Variants in TACR3 observed in about 807,000 individuals in gnomAD.
TACR3 encodes the protein neuromedin-K receptor.
TACR3 carries 34 observed loss-of-function variants against 35.0 expected under a neutral mutation model. That is an observed-to-expected ratio of 0.97 (90% CI 0.74 to 1.30). The LOEUF is 1.30. Ranked by LOEUF, TACR3 falls within the 50% of genes most tolerant of loss-of-function variation. The pLI, the probability that TACR3 is intolerant of heterozygous loss-of-function variation, is 0.00. For synonymous variants in TACR3, 233 were observed against 221.1 expected (o/e 1.05, Z -0.48); for missense variants, 558 against 591.7 (o/e 0.94, Z 0.59).
chr4:103,675,227 G>A (rs934749128), intron 1 of TACR3, among the ~76,000 whole-genome samples: 5 of 152,050 alleles, frequency 3.3e-5, no homozygotes, highest in African/African-American at 1.2e-4. Context: ...CTCATAATGA[G>A]TTTCCCTGCT....
At chr4:103,702,590 A>T (rs1722680343) in intron 1 of TACR3, among the ~76,000 whole-genome samples, 1 of 152,122 alleles carries the variant, frequency 6.6e-6, no homozygotes, top group African/African-American at 2.4e-5. Flanking sequence ...TGCTATAAAC[A>T]CACATGCACA....
intron 3 of TACR3, among the ~76,000 whole-genome samples, chr4:103,647,077 T>A (rs1357203017): frequency 6.6e-6 from 1 of 151,946 alleles, no homozygotes; most frequent in African/African-American, 2.4e-5. Flanking sequence ...TTTTAGATTC[T>A]TATCAGATCT....
At chr4:103,663,925 T>G (rs780307064) in intron 1 of TACR3, among the ~76,000 whole-genome samples, 1 of 152,158 alleles carries the variant, frequency 6.6e-6, no homozygotes, top group Non-Finnish European at 1.5e-5. Flanking sequence ...CTTTAAAAAA[T>G]ATTTTATGTG....
intron 1 of TACR3, among the ~76,000 whole-genome samples, chr4:103,670,772 A>G (rs1260562100): frequency 6.6e-6 from 1 of 152,014 alleles, no homozygotes; most frequent in Non-Finnish European, 1.5e-5. Context: ...AACAAGAATA[A>G]TTTGACTTCT....
chr4:103,650,704 T>TC lies in TACR3; in HGVS notation c.888+5489_888+5490insG, dbSNP rs1459709688. Among the ~76,000 whole-genome samples, 6 of 53,532 alleles carry TC rather than the reference T, an allele frequency of 1.1e-4. No individual in the cohort carries two copies. In the African/African-American group the frequency reaches 1.2e-3, roughly 10 times the overall value. 35.1% of individuals were successfully genotyped at this position (53,532 alleles called of 152,430 possible). A position where few individuals can be genotyped will look rare whatever the true frequency, so the allele number is the denominator to read the frequency against. On this transcript the variant is annotated intron_variant, in intron 3 of 4. Transcript: ENST00000304883. ...ATATCATATATAATATATATTTATA[T>TC]ATATAAATATATATAAATAAATATA... is the stretch of plus-strand genomic sequence containing the variant.
chr4:103,638,040 A>G (rs1725238684), intron 3 of TACR3, among the ~76,000 whole-genome samples: 1 of 152,228 alleles, frequency 6.6e-6, no homozygotes, highest in African/African-American at 2.4e-5. Context: ...ATTCAATGCC[A>G]TACCCATGAA....
intron 1 of TACR3, among the ~76,000 whole-genome samples, chr4:103,689,187 G>A (rs1392174699): frequency 1.4e-5 from 2 of 147,588 alleles, no homozygotes; most frequent in South Asian, 2.1e-4. Flanking sequence ...ACTCATAGGT[G>A]GGAATTGAAC....
chr4:103,701,476 A>G (rs1157934318), intron 1 of TACR3, among the ~76,000 whole-genome samples: 2 of 152,112 alleles, frequency 1.3e-5, no homozygotes, highest in Non-Finnish European at 2.9e-5. Context: ...CATACTGCCC[A>G]AGGTAATTTA....
intron 1 of TACR3, among the ~76,000 whole-genome samples, chr4:103,659,402 T>G (rs1284267968): frequency 2.0e-5 from 3 of 152,208 alleles, no homozygotes; most frequent in Non-Finnish European, 4.4e-5. Context: ...TGTTTAACTT[T>G]TAAACATATA....
intron 3 of TACR3, among the ~76,000 whole-genome samples, chr4:103,599,661 T>A (rs1006222172): frequency 3.3e-5 from 5 of 152,240 alleles, no homozygotes; most frequent in African/African-American, 1.2e-4. Context: ...TTTTTTAGCA[T>A]GAAGTGCTGT....
chr4:103,635,747 G>C (rs901009286), intron 3 of TACR3, among the ~76,000 whole-genome samples: 7 of 151,242 alleles, frequency 4.6e-5, no homozygotes, highest in African/African-American at 1.7e-4. Context: ...CTCAATCATT[G>C]ATGTCTATAA....
intron 3 of TACR3, among the ~76,000 whole-genome samples, chr4:103,600,144 G>T (rs1464223892): frequency 6.6e-6 from 1 of 152,174 alleles, no homozygotes; most frequent in East Asian, 1.9e-4. Flanking sequence ...CCTGTTATTG[G>T]TCTATTCAGA....
intron 3 of TACR3, among the ~76,000 whole-genome samples, chr4:103,650,690 AATATATATTT>A (rs1459871989): frequency 1.3e-4 from 1 of 7,872 alleles, no homozygotes; most frequent in African/African-American, 1.4e-3. Context: ...TATCATATAT[AATATATATTT>A]ATATATATAA....
At chr4:103,606,447 C>G (rs1262457250) in intron 3 of TACR3, among the ~76,000 whole-genome samples, 2 of 152,184 alleles carry the variant, frequency 1.3e-5, no homozygotes, top group Non-Finnish European at 2.9e-5. Context: ...TTGATTCTTC[C>G]TATCCATGAG....
chr4:103,687,017 A>G (rs944350605), intron 1 of TACR3, among the ~76,000 whole-genome samples: 8 of 152,110 alleles, frequency 5.3e-5, no homozygotes, highest in African/African-American at 1.7e-4. Context: ...GGCAAACCGA[A>G]TCCAGCAGCA....
intron 3 of TACR3, among the ~76,000 whole-genome samples, chr4:103,610,530 T>C (rs1724490975): frequency 6.6e-6 from 1 of 152,078 alleles, no homozygotes; most frequent in Non-Finnish European, 1.5e-5. Context: ...GGATATTAAC[T>C]ACTTGTCAGA....
Position 103,633,479 on chromosome 4 carries a change from T to C in TACR3, c.888+22715A>G, listed in dbSNP as rs182804643. 1.2e-3 allele frequency among the ~76,000 whole-genome samples: 190 copies of C among 152,192 alleles called. 1 individual carries two copies. Among genetic ancestry groups the C allele is most frequent in the African/African-American group, 4.2e-3 (175 of 41,546 alleles). On this transcript the variant is annotated intron_variant, in intron 3 of 4. Coordinates refer to ENST00000304883, the MANE Select transcript of TACR3 (RefSeq NM_001059.3). ...TATTTGGTTACATAAGTAAATTCTT[T>C]AGTGGAGATTTGTGAGACCCTGGTG...
intron 3 of TACR3, among the ~76,000 whole-genome samples, chr4:103,644,662 A>G (rs1725422164): frequency 6.6e-6 from 1 of 151,682 alleles, no homozygotes; most frequent in Admixed American, 6.6e-5. Context: ...ATTTTTTTCT[A>G]GTTCCTGACT....
intron 1 of TACR3, among the ~76,000 whole-genome samples, chr4:103,695,374 C>A (rs2110219362): frequency 1.3e-5 from 2 of 152,222 alleles, no homozygotes; most frequent in Admixed American, 1.3e-4. Flanking sequence ...CTCTTTCTTC[C>A]TCCTCCTTCT....
Sources: allele counts gnomAD v4.1 joint callset (sites outside exome capture counted in the v4.1 genomes callset), GRCh38; gene constraint gnomAD v4.1.1; transcripts MANE v1.5; gene names NCBI Gene and HGNC (gene_info 2026-07-23, HGNC 2026-07-21).